The following ADAMTS14 variants were observed in gnomAD, a reference collection of about 807,000 sequenced individuals.
ADAMTS14 encodes A disintegrin and metalloproteinase with thrombospondin motifs 14.
Under a neutral mutation model 128.6 loss-of-function variants are expected in ADAMTS14, and 100 were observed. The observed-to-expected ratio is 0.78, with a 90% confidence interval of 0.66 to 0.92. The LOEUF (loss-of-function observed/expected upper bound fraction) is 0.92, where lower values mean the gene tolerates loss of function less well. Among genes scored for constraint, ADAMTS14 ranks in the 40% least tolerant of loss-of-function variants. The pLI, the probability that ADAMTS14 is intolerant of heterozygous loss-of-function variation, is 0.00. For synonymous variants in ADAMTS14, 665 were observed against 653.8 expected (o/e 1.02, Z -0.26); for missense variants, 1,562 against 1,658.6 (o/e 0.94, Z 1.01).
chr10:70,708,826 G>GGGGGCCCCC, intron 4 of ADAMTS14, 48 bp downstream of exon 4: 1 of 396,628 alleles, frequency 2.5e-6, no homozygotes, highest in Non-Finnish European at 4.8e-6. Flanking sequence ...GGTGGGGTGG[G>GGGGGCCCCC]CCCCACCCCA....
At chr10:70,749,218 G>C (rs557630846) in intron 15 of ADAMTS14, among the ~76,000 whole-genome samples, 1 of 152,184 alleles carries the variant, frequency 6.6e-6, no homozygotes, top group Non-Finnish European at 1.5e-5. Context: ...TGCCAAGCTG[G>C]CTATGTTTAT....
Position 70,751,657 on chromosome 10 carries a change from C to A in ADAMTS14, c.2596+11C>A. The A allele has an allele frequency of 1.3e-6, 2 of 1,596,906 alleles. No individual in the cohort carries two copies. Among genetic ancestry groups the A allele is most frequent in the South Asian group, 2.2e-5 (2 of 90,792 alleles). On this transcript the variant is annotated intron_variant, in intron 17 of 21. Transcript: ENST00000373207. The stretch of plus-strand genomic sequence containing the variant: ...AGGCCTGTGGAGGAGGTACCGGTTC[C>A]CTGACCCGCCAGTGCTTTGTTGGGG...
In ADAMTS14 at chr10:70,735,310, C is replaced by T. The variant is rs1360558108; in HGVS notation, c.1485+9C>T. 1.9e-6 allele frequency: 3 copies of T among 1,613,188 alleles called. No homozygotes were observed. Among genetic ancestry groups the T allele is most frequent in the Non-Finnish European group, 2.5e-6 (3 of 1,179,630 alleles). ...ACCAGACCTGCTTGGCAGTAAGTAG[C>T]CATCTGGCCTCTGCCAGGTGGTTGG... On this transcript the variant is annotated intron_variant, in intron 9 of 21. Transcript: ENST00000373207.
chr10:70,706,326 G>C (rs569091387), intron 3 of ADAMTS14, among the ~76,000 whole-genome samples: 3 of 152,244 alleles, frequency 2.0e-5, no homozygotes, highest in Admixed American at 1.3e-4. Context: ...GGGCGAGTGG[G>C]GTAACCTCTC....
At chr10:70,689,837 C>T (rs2132561833) in intron 2 of ADAMTS14, among the ~76,000 whole-genome samples, 1 of 145,166 alleles carries the variant, frequency 6.9e-6, no homozygotes, top group African/African-American at 2.4e-5. Context: ...AACATTCCTC[C>T]CCAGGGACTG....
At position 70,674,563 on chromosome 10, in the gene ADAMTS14, C is replaced by T. The variant is rs1839581786; in HGVS notation, c.90C>T (p.His30=). 3.7e-6 allele frequency: 6 copies of T among 1,610,330 alleles called. No individual in the cohort carries two copies. Among genetic ancestry groups the T allele is most frequent in the Non-Finnish European group, 5.1e-6 (6 of 1,177,218 alleles). Residue 30 remains histidine, a synonymous_variant, in exon 2 of 22, where the codon CAC becomes CAT. Transcript: ENST00000373207. ...AAAGSRTPEL[H]LSGKLSDYGV... ...TTTGTTTACCTCCAACAGAGCTGCA[C>T]CTCTCTGGAAAGCTCAGTGACTATG...
intron 2 of ADAMTS14, among the ~76,000 whole-genome samples, chr10:70,688,088 G>C (rs1394015866): frequency 2.2e-5 from 1 of 45,868 alleles, no homozygotes; most frequent in Non-Finnish European, 4.4e-5. Context: ...GCTGCCGGGC[G>C]GAGGGGCTCC....
In ADAMTS14 at chr10:70,727,055, C is replaced by T. The variant is rs74139896; in HGVS notation, c.871-2239C>T. 6.0e-3 allele frequency among the ~76,000 whole-genome samples: 916 copies of T among 152,336 alleles called. 4 individuals carry two copies. Among genetic ancestry groups the T allele is most frequent in the African/African-American group, 0.019 (788 of 41,580 alleles). ...TCCAGATATGGGTGCCAGGAAGGCCCATGGCTGAAGCCTGACACCGGCTGC... is the reference window on the plus strand; with the variant it reads ...TCCAGATATGGGTGCCAGGAAGGCCTATGGCTGAAGCCTGACACCGGCTGC... On this transcript the variant is annotated intron_variant, in intron 4 of 21. Transcript: ENST00000373207.
At chr10:70,738,206 T>C (rs959440479) in intron 10 of ADAMTS14, among the ~76,000 whole-genome samples, 5 of 151,774 alleles carry the variant, frequency 3.3e-5, no homozygotes, top group African/African-American at 9.7e-5. Context: ...GGGAAGGGAG[T>C]TGCCTCTAGT....
intron 4 of ADAMTS14, among the ~76,000 whole-genome samples, chr10:70,713,981 G>A (rs529324004): frequency 6.6e-6 from 1 of 152,260 alleles, no homozygotes; most frequent in African/African-American, 2.4e-5. Context: ...ATTGCTTGAG[G>A]CCAGGAGTTC....
At chr10:70,739,243 C>A (rs17601452) in intron 11 of ADAMTS14, among the ~76,000 whole-genome samples, 7 of 152,082 alleles carry the variant, frequency 4.6e-5, no homozygotes, top group Non-Finnish European at 8.8e-5. Context: ...CAGAAGATTC[C>A]CCAGAGTCTG....
At chr10:70,747,668 A>G (rs1009143659) in intron 15 of ADAMTS14, among the ~76,000 whole-genome samples, 18 of 152,202 alleles carry the variant, frequency 1.2e-4, no homozygotes, top group African/African-American at 4.3e-4. Context: ...AGAGGCTGCT[A>G]GCATCCGGGG....
In ADAMTS14 at chr10:70,760,920, G is replaced by A; in HGVS notation, c.*67G>A. On this transcript the variant is annotated 3_prime_UTR_variant, in exon 22 of 22. Transcript: ENST00000373207. ...ACTGCCCCGTGACTCCCAGCTCAGA[G>A]GACACACATAGCAGGGCAGGCGCAA... 1 of 1,496,564 alleles carries A rather than the reference G, an allele frequency of 6.7e-7. No individual in the cohort carries two copies. Among genetic ancestry groups the A allele is most frequent in the Non-Finnish European group, 8.9e-7 (1 of 1,123,634 alleles). The allele number at this position is 1,496,564 out of a possible 1,614,324, so 92.7% of individuals were successfully genotyped here.
intron 8 of ADAMTS14, among the ~76,000 whole-genome samples, chr10:70,734,864 G>A (rs548167229): frequency 2.9e-4 from 44 of 152,308 alleles, no homozygotes; most frequent in African/African-American, 1.1e-3. Flanking sequence ...GCCATATCGT[G>A]TCCCTCTAAG....
At chr10:70,735,006 C>T (rs570661349) in intron 8 of ADAMTS14, among the ~76,000 whole-genome samples, 163 bp from the exon 9 acceptor site, 18 of 152,322 alleles carry the variant, frequency 1.2e-4, no homozygotes, top group African/African-American at 4.1e-4. Context: ...GAGTGAGGGG[C>T]TGCTCAAGGC....
At chr10:70,747,560 A>G (rs2132725839) in intron 15 of ADAMTS14, among the ~76,000 whole-genome samples, 1 of 152,294 alleles carries the variant, frequency 6.6e-6, no homozygotes, top group East Asian at 1.9e-4. Context: ...CCAGGGGATG[A>G]TTTCAGAACA....
At chr10:70,755,507 A>G (rs1008828979) in intron 19 of ADAMTS14, among the ~76,000 whole-genome samples, 3 of 151,978 alleles carry the variant, frequency 2.0e-5, no homozygotes, top group Admixed American at 1.3e-4. Flanking sequence ...ATGATTGTAC[A>G]ACAATGGGAA....
At chr10:70,704,415 C>T (rs555051587) in intron 3 of ADAMTS14, among the ~76,000 whole-genome samples, 3 of 151,978 alleles carry the variant, frequency 2.0e-5, no homozygotes, top group East Asian at 1.9e-4. Flanking sequence ...CCCGCACTCA[C>T]CCTTACTGGC....
chr10:70,758,170 C>T lies in ADAMTS14; in HGVS notation c.3068-5C>T. 1 of 1,613,982 alleles carries T rather than the reference C, an allele frequency of 6.2e-7. No individual in the cohort carries two copies. Among genetic ancestry groups the T allele is most frequent in the Non-Finnish European group, 8.5e-7 (1 of 1,179,926 alleles). ...AATACTAGAATTGCTTCTTCCTGCT[C>T]ACAGGAAATCACCAGAACTCCACGG... On this transcript the variant is annotated splice_polypyrimidine_tract_variant and splice_region_variant and intron_variant, in intron 20 of 21. Coordinates refer to ENST00000373207, the MANE Select transcript of ADAMTS14 (RefSeq NM_080722.4).
Sources: gnomAD v4.1 joint callset for allele counts (sites outside exome capture counted in the v4.1 genomes callset) on GRCh38, gnomAD v4.1.1 for gene constraint, MANE v1.5 for transcripts, NCBI Gene and HGNC (gene_info 2026-07-23, HGNC 2026-07-21) for gene names.